The following GAD2 variants were observed in gnomAD, a reference collection of about 807,000 sequenced individuals.
The protein encoded by GAD2 is glutamate decarboxylase 2, also known as 65 kDa glutamic acid decarboxylase.
A neutral mutation model predicts 80.1 loss-of-function variants in GAD2; 22 were observed. The observed-to-expected ratio is 0.27, with a 90% CI of 0.20 to 0.39. The LOEUF (loss-of-function observed/expected upper bound fraction) is 0.39. GAD2 is among the 10% of genes least tolerant of loss of function. The pLI is 1.00. For missense variants in GAD2, 624 were observed against 738.4 expected (o/e 0.85, Z 1.80); for synonymous variants, 274 against 256.9 (o/e 1.07, Z -0.64).
chr10:26,225,480 C>G (rs1280798176), intron 6 of GAD2, among the ~76,000 whole-genome samples: 2 of 152,184 alleles, frequency 1.3e-5, no homozygotes, highest in Non-Finnish European at 2.9e-5. Flanking sequence ...TAATCAGTGG[C>G]AGGAGCGGAT....
intron 13 of GAD2, among the ~76,000 whole-genome samples, chr10:26,288,584 G>A (rs377627835): frequency 3.3e-5 from 5 of 152,254 alleles, no homozygotes; most frequent in East Asian, 1.9e-4. Flanking sequence ...AAAATGAGCA[G>A]GGTTTTCATT....
chr10:26,240,319 T>A (rs1371760802), intron 7 of GAD2, among the ~76,000 whole-genome samples: 5 of 152,238 alleles, frequency 3.3e-5, no homozygotes, highest in Non-Finnish European at 5.9e-5. Flanking sequence ...CTTAGCTGAA[T>A]ATTCTCATCC....
intron 8 of GAD2, among the ~76,000 whole-genome samples, chr10:26,258,775 A>G (rs1183288115): frequency 1.8e-5 from 2 of 109,222 alleles, no homozygotes; most frequent in Non-Finnish European, 4.1e-5. Context: ...TTATCCGTTC[A>G]TCCATTTATG....
intron 15 of GAD2, among the ~76,000 whole-genome samples, chr10:26,295,924 G>A (rs773649182): frequency 6.6e-6 from 1 of 152,174 alleles, no homozygotes; most frequent in East Asian, 1.9e-4. Flanking sequence ...TAGCTGTAGT[G>A]CACAATAGGA....
rs1349887924 is a variant in GAD2, at chr10:26,302,323, C to T, written c.*1362C>T. The T allele has an allele frequency of 6.6e-6, 1 of 152,068 alleles. No homozygotes were observed. The highest frequency in any genetic ancestry group is 1.5e-5 in the Non-Finnish European group (1 of 68,006). 9.4% of individuals were successfully genotyped at this position (152,068 alleles called of 1,614,324 possible). ...TTTTGAGGCATTATCTTAAGATTTT[C>T]CTTTATCCATCTCCCATCGAGATCC... On this transcript the variant is annotated 3_prime_UTR_variant, in exon 16 of 16. Transcript: ENST00000376261.
At chr10:26,276,474 C>T (rs1293620014) in intron 11 of GAD2, among the ~76,000 whole-genome samples, 2 of 152,022 alleles carry the variant, frequency 1.3e-5, no homozygotes, top group Non-Finnish European at 2.9e-5. Flanking sequence ...CTCTGCCTCC[C>T]GGGTTCAAGC....
At chr10:26,300,650 G>A (rs1287083356) in intron 15 of GAD2, 138 bp from the exon 16 acceptor site, 6 of 717,168 alleles carry the variant, frequency 8.4e-6, no homozygotes, top group Non-Finnish European at 1.4e-5. Context: ...AGAAAACTTG[G>A]AGGTAACTCT....
chr10:26,240,603 G>T (rs1387544421), intron 7 of GAD2, among the ~76,000 whole-genome samples: 4 of 151,960 alleles, frequency 2.6e-5, no homozygotes, highest in South Asian at 2.1e-4. Context: ...ATGGTGGCAG[G>T]TACCTGTAAT....
At chr10:26,230,860 G>C (rs1051347374) in intron 7 of GAD2, among the ~76,000 whole-genome samples, 1 of 152,064 alleles carries the variant, frequency 6.6e-6, no homozygotes, top group Non-Finnish European at 1.5e-5. Flanking sequence ...GGCTGAGGCA[G>C]GTAGATCATT....
intron 8 of GAD2, among the ~76,000 whole-genome samples, chr10:26,265,027 C>T (rs1845053830): frequency 6.6e-6 from 1 of 152,054 alleles, no homozygotes; most frequent in Non-Finnish European, 1.5e-5. Flanking sequence ...CAGTTCTTCC[C>T]TTTGGAGCTA....
intron 7 of GAD2, among the ~76,000 whole-genome samples, chr10:26,241,290 C>T (rs1844739013): frequency 6.6e-6 from 1 of 152,176 alleles, no homozygotes; most frequent in Non-Finnish European, 1.5e-5. Flanking sequence ...AACAACTGAT[C>T]ATTACAAGAG....
In GAD2 at chr10:26,217,472, G is replaced by A. The variant is rs1298197593; in HGVS notation, c.77-138G>A. The stretch of plus-strand genomic sequence containing the variant: ...CTTCTGCACCTGCCGGCCTCACCGA[G>A]TCCTGAGCGGCCCCCAGGAGGAAGG... On this transcript the variant is annotated intron_variant, in intron 1 of 15. Transcript: ENST00000376261. This position sits in a 1 kb window ranked among gnomAD's most constrained non-coding sequence, Gnocchi z 4.9. The A allele has an allele frequency of 7.0e-6, 6 of 860,138 alleles. No individual in the cohort carries two copies. The highest frequency in any genetic ancestry group is 1.1e-5 in the Non-Finnish European group (6 of 529,244). 53.3% of individuals were successfully genotyped at this position (860,138 alleles called of 1,614,324 possible).
At chr10:26,228,727 T>C (rs1213021780) in intron 6 of GAD2, among the ~76,000 whole-genome samples, 1 of 152,172 alleles carries the variant, frequency 6.6e-6, no homozygotes, top group Admixed American at 6.5e-5. Flanking sequence ...GGTTGCATGC[T>C]CCTTACGAGA....
chr10:26,225,454 T>C (rs541464412), intron 6 of GAD2, among the ~76,000 whole-genome samples: 13 of 152,306 alleles, frequency 8.5e-5, no homozygotes, highest in East Asian at 5.8e-4. Flanking sequence ...AGAAACCCGA[T>C]GTGCAGACCA....
chr10:26,241,730 A>T (rs1391001796), intron 7 of GAD2, among the ~76,000 whole-genome samples: 1 of 152,142 alleles, frequency 6.6e-6, no homozygotes, highest in African/African-American at 2.4e-5. Flanking sequence ...ATTGAAGTGT[A>T]TTGAGGTATT....
At position 26,300,916 on chromosome 10, in the gene GAD2, T is replaced by C. The variant is rs1376589983; in HGVS notation, c.1713T>C (p.Ile571=). ...ISNPAATHQD[I]DFLIEEIERL... is the part of the protein sequence containing the mutation. Reference sequence around the variant, plus strand: ...ACCCAGCGGCAACTCACCAAGACATTGACTTCCTGATTGAAGAAATAGAAC... The same window carrying C: ...ACCCAGCGGCAACTCACCAAGACATCGACTTCCTGATTGAAGAAATAGAAC... Residue 571 remains isoleucine, a synonymous_variant, in exon 16 of 16, where the codon ATT becomes ATC. Coordinates refer to ENST00000376261, the MANE Select transcript of GAD2 (RefSeq NM_001134366.2). 3 of 1,613,856 alleles carry C rather than the reference T, an allele frequency of 1.9e-6. No homozygotes were observed. Among genetic ancestry groups the C allele is most frequent in the African/African-American group, 2.7e-5 (2 of 74,908 alleles).
intron 12 of GAD2, among the ~76,000 whole-genome samples, chr10:26,285,583 CATTTCCATAGT>C (rs1458996253): frequency 1.3e-5 from 2 of 152,190 alleles, no homozygotes; most frequent in African/African-American, 4.8e-5. Flanking sequence ...CTTTGCCACC[CATTTCCATAGT>C]AAGGTTACAG....
chr10:26,253,337 A>G (rs1844903266), intron 8 of GAD2, among the ~76,000 whole-genome samples: 1 of 152,228 alleles, frequency 6.6e-6, no homozygotes, highest in African/African-American at 2.4e-5. Context: ...ATATTCAGTG[A>G]TGAGGTTGAT....
intron 6 of GAD2, among the ~76,000 whole-genome samples, chr10:26,227,432 G>A (rs1844542296): frequency 6.6e-6 from 1 of 152,222 alleles, no homozygotes; most frequent in Non-Finnish European, 1.5e-5. Context: ...CAGCTGAGTT[G>A]CAGAGTGAGG....
Sources: allele counts gnomAD v4.1 joint callset (sites outside exome capture counted in the v4.1 genomes callset), GRCh38; gene constraint gnomAD v4.1.1; non-coding constraint Gnocchi (gnomAD v3.1); transcripts MANE v1.5; gene names NCBI Gene and HGNC (gene_info 2026-07-23, HGNC 2026-07-21).